TMEM220: variants seen among roughly 807,000 people sequenced by gnomAD.
TMEM220 encodes transmembrane protein 220.
In TMEM220, 21 loss-of-function variants were observed where a neutral mutation model predicts 21.7. The observed-to-expected ratio is 0.97, with a 90% CI of 0.69 to 1.39. The LOEUF (loss-of-function observed/expected upper bound fraction) is 1.39, where lower values mean the gene tolerates loss of function less well. Among genes scored for constraint, TMEM220 ranks in the 40% most tolerant of loss-of-function variants. The pLI, the probability that TMEM220 is intolerant of heterozygous loss-of-function variation, is 0.00. For missense variants in TMEM220, 191 were observed against 201.9 expected, an observed-to-expected ratio of 0.95 and a Z score of 0.33; for synonymous variants, 80 against 73.6, an observed-to-expected ratio of 1.09 and a Z score of -0.45.
chr17:10,711,385 A>ATATAGTCCTCATGAGGGATCTTATT (rs1316074340), downstream of TMEM220, among the ~76,000 whole-genome samples: 8 of 152,218 alleles, frequency 5.3e-5, no homozygotes, highest in Admixed American at 2.6e-4. Context: ...CATAAGGGGC[A>ATATAGTCCTCATGAGGGATCTTATT]TATAGTCCTC....
In TMEM220 at chr17:10,729,760, T is replaced by C; in HGVS notation, c.72+20A>G. 7.4e-7 allele frequency: 1 copy of C among 1,347,214 alleles called. No homozygotes were observed. The highest frequency in any genetic ancestry group is 9.6e-7 in the Non-Finnish European group (1 of 1,045,450). The allele number at this position is 1,347,214 out of a possible 1,614,324, so 83.5% of individuals were successfully genotyped here. A position where few individuals can be genotyped will look rare whatever the true frequency, so the allele number is the denominator to read the frequency against. On this transcript the variant is annotated intron_variant, in intron 1 of 5. Coordinates refer to ENST00000341871, the MANE Select transcript of TMEM220 (RefSeq NM_001004313.3). Reference sequence around the variant, plus strand: ...GAGCTGGGAGCCGGGCGGGTCCCCCTCCCACCGCGGCCGCCTGACCTGCAC... The same window carrying C: ...GAGCTGGGAGCCGGGCGGGTCCCCCCCCCACCGCGGCCGCCTGACCTGCAC...
At chr17:10,721,366 T>C (rs1237244798) in intron 5 of TMEM220, among the ~76,000 whole-genome samples, 2 of 152,092 alleles carry the variant, frequency 1.3e-5, no homozygotes, top group Non-Finnish European at 2.9e-5. Context: ...CCCAGCACTT[T>C]GGGAGGCTGA....
At chr17:10,720,599 A>G (rs1249594604) in intron 5 of TMEM220, among the ~76,000 whole-genome samples, 1 of 152,186 alleles carries the variant, frequency 6.6e-6, no homozygotes, top group Non-Finnish European at 1.5e-5. Flanking sequence ...CTTTTAATAT[A>G]TCTTATTTTA....
chr17:10,719,960 A>G lies in TMEM220; in HGVS notation c.347+3310T>C, dbSNP rs571927289. On this transcript the variant is annotated intron_variant, in intron 5 of 5. Coordinates refer to ENST00000341871, the MANE Select transcript of TMEM220 (RefSeq NM_001004313.3). ...AGAAATATAAATGGCTCTGAACCATATGAAAATGTGCTCACTTTTGCTCTT... is the reference window on the plus strand; with the variant it reads ...AGAAATATAAATGGCTCTGAACCATGTGAAAATGTGCTCACTTTTGCTCTT... 7.2e-5 allele frequency among the ~76,000 whole-genome samples: 11 copies of G among 152,340 alleles called. 1 individual carries two copies. In the South Asian group the frequency reaches 2.3e-3, roughly 32 times the overall value.
intron 2 of TMEM220, among the ~76,000 whole-genome samples, chr17:10,728,303 T>C (rs2075074431): frequency 6.9e-6 from 1 of 145,754 alleles, no homozygotes; most frequent in Admixed American, 7.1e-5. Flanking sequence ...TTTTTTTCTT[T>C]TTTTTCTTTG....
chr17:10,717,860 G>A (rs1036341933), intron 5 of TMEM220, among the ~76,000 whole-genome samples: 2 of 148,630 alleles, frequency 1.3e-5, no homozygotes, highest in Non-Finnish European at 3.0e-5. Context: ...TTTCATTCTT[G>A]TCACCCAGGC....
intron 2 of TMEM220, among the ~76,000 whole-genome samples, chr17:10,728,091 T>G (rs150379033): frequency 1.3e-5 from 2 of 150,768 alleles, no homozygotes; most frequent in South Asian, 4.2e-4. Flanking sequence ...ACCTGGGAGG[T>G]AGAGGTTGCG....
At chr17:10,726,307 G>A (rs751089552) in intron 2 of TMEM220, 43 bp from the exon 3 acceptor site, 12 of 1,445,008 alleles carry the variant, frequency 8.3e-6, no homozygotes, top group Admixed American at 1.7e-5. Flanking sequence ...TAAGATGTAT[G>A]CCCAATATAT....
chr17:10,721,910 T>G (rs1367646773), intron 5 of TMEM220, among the ~76,000 whole-genome samples: 1 of 152,120 alleles, frequency 6.6e-6, no homozygotes, highest in Admixed American at 6.5e-5. Context: ...TTTGTAGTTT[T>G]TTTTCATCTT....
At chr17:10,723,510 A>G (rs2075016732) in intron 4 of TMEM220, among the ~76,000 whole-genome samples, 181 bp from the exon 5 acceptor site, 1 of 152,198 alleles carries the variant, frequency 6.6e-6, no homozygotes, top group Non-Finnish European at 1.5e-5. Context: ...CTTTTTTCAG[A>G]GAATTTAAAG....
intron 2 of TMEM220, among the ~76,000 whole-genome samples, chr17:10,728,313 G>GT (rs2075074812): frequency 2.8e-5 from 3 of 107,446 alleles, no homozygotes; most frequent in Non-Finnish European, 3.7e-5. Flanking sequence ...TTTTTTCTTT[G>GT]CTTTTTTTTT....
chr17:10,725,048 G>A lies in TMEM220; in HGVS notation c.250C>T (p.Arg84Cys), dbSNP rs748517844. 64 of 1,613,970 alleles carry A rather than the reference G, an allele frequency of 4.0e-5. No homozygotes were observed. The highest frequency in any genetic ancestry group is 8.9e-5 in the East Asian group (4 of 44,892). ...AVGLASYLLH[R>C]TQQNILHEEE... ...TCATGTAAGATGTTCTGTTGTGTAC[G>A]ATGCAAGAGGTAGGACGCCAAGCCA... is the stretch of plus-strand genomic sequence containing the variant. Residue 84 changes from arginine (R) to cysteine (C), a missense_variant, in exon 4 of 6, where the codon CGT becomes TGT. By Grantham distance (180) the Arg-to-Cys change is radical. Transcript: ENST00000341871.
chr17:10,711,500 G>A (rs912970939), downstream of TMEM220, among the ~76,000 whole-genome samples: 4 of 152,164 alleles, frequency 2.6e-5, no homozygotes, highest in African/African-American at 9.7e-5. Flanking sequence ...TATAAGCTCA[G>A]GTAAGCTTTT....
chr17:10,717,928 C>T (rs1212042381), intron 5 of TMEM220, among the ~76,000 whole-genome samples: 1 of 151,926 alleles, frequency 6.6e-6, no homozygotes, highest in African/African-American at 2.4e-5. Context: ...TCAAGCGATT[C>T]TCCTGCCTCA....
intron 2 of TMEM220, 50 bp downstream of exon 2, chr17:10,728,981 T>C (rs757694155): frequency 6.2e-7 from 1 of 1,603,246 alleles, no homozygotes; most frequent in Non-Finnish European, 8.5e-7. Context: ...TTTTGTGCCG[T>C]TCCCCAATTC....
Position 10,715,310 on chromosome 17 carries a change from A to G in TMEM220, c.*143T>C. 1.5e-6 allele frequency: 1 copy of G among 683,646 alleles called. No individual in the cohort carries two copies. The highest frequency in any genetic ancestry group is 3.1e-5 in the East Asian group (1 of 31,896). The allele number at this position is 683,646 out of a possible 1,614,324, so 42.3% of individuals were successfully genotyped here. A position where few individuals can be genotyped will look rare whatever the true frequency, so the allele number is the denominator to read the frequency against. The stretch of plus-strand genomic sequence containing the variant: ...CTTGTCCCATCCAATCTTACATCGA[A>G]TTATATGCACCCTTAAAAAGTTATT... On this transcript the variant is annotated 3_prime_UTR_variant, in exon 6 of 6. Coordinates refer to ENST00000341871, the MANE Select transcript of TMEM220 (RefSeq NM_001004313.3).
In TMEM220 at chr17:10,729,859, A is replaced by C; in HGVS notation, c.-8T>G. On this transcript the variant is annotated 5_prime_UTR_variant, in exon 1 of 6. Transcript: ENST00000341871. Reference sequence around the variant, plus strand: ...CCACAGCGCTGGCGCCATGGCTCGGAGAACACGGCGCGGGGCGGTGAGTCC... The same window carrying C: ...CCACAGCGCTGGCGCCATGGCTCGGCGAACACGGCGCGGGGCGGTGAGTCC... 2 of 1,335,322 alleles carry C rather than the reference A, an allele frequency of 1.5e-6. No homozygotes were observed. Among genetic ancestry groups the C allele is most frequent in the Non-Finnish European group, 1.9e-6 (2 of 1,038,886 alleles). The allele number at this position is 1,335,322 out of a possible 1,614,324, so 82.7% of individuals were successfully genotyped here.
At chr17:10,721,808 A>C (rs1320287266) in intron 5 of TMEM220, among the ~76,000 whole-genome samples, 2 of 151,986 alleles carry the variant, frequency 1.3e-5, no homozygotes, top group Admixed American at 6.6e-5. Context: ...CAAAAAATTA[A>C]AAATATTCAC....
intron 1 of TMEM220, 132 bp downstream of exon 1, chr17:10,729,648 A>C (rs1380591409): frequency 2.7e-6 from 2 of 729,928 alleles, no homozygotes; most frequent in Non-Finnish European, 3.8e-6. Context: ...CCCAAGCAGA[A>C]AGCCCAAGTC....
Sources: allele counts gnomAD v4.1 joint callset (sites outside exome capture counted in the v4.1 genomes callset), GRCh38; gene constraint gnomAD v4.1.1; transcripts MANE v1.5; gene names NCBI Gene and HGNC (gene_info 2026-07-23, HGNC 2026-07-21).